Variants in MYO1D observed in about 807,000 individuals in gnomAD.
MYO1D encodes unconventional myosin-Id.
A neutral mutation model predicts 122.0 loss-of-function variants in MYO1D; 83 were observed. The ratio of observed to expected loss-of-function variants is 0.68; its 90% CI spans 0.57 to 0.82. MYO1D has a LOEUF of 0.82. Among genes scored for constraint, MYO1D ranks in the 40% least tolerant of loss-of-function variants. The pLI is 0.00. For missense variants in MYO1D, 1,157 were observed against 1,269.5 expected (o/e 0.91, Z 1.35); for synonymous variants, 464 against 446.9 (o/e 1.04, Z -0.48).
At chr17:32,823,927 C>T (rs1046459551) in intron 1 of MYO1D, among the ~76,000 whole-genome samples, 4 of 151,516 alleles carry the variant, frequency 2.6e-5, no homozygotes, top group Admixed American at 6.6e-5. Flanking sequence ...ATTAGCGGGG[C>T]GTGGTGGTGG....
chr17:32,563,741 AGGAG>A (rs2150891819), intron 21 of MYO1D, among the ~76,000 whole-genome samples: 1 of 152,362 alleles, frequency 6.6e-6, no homozygotes, highest in East Asian at 1.9e-4. Flanking sequence ...CTTCATGAGA[AGGAG>A]CTGAACAGTC....
intron 16 of MYO1D, among the ~76,000 whole-genome samples, chr17:32,678,618 A>G (rs1193792819): frequency 6.6e-6 from 1 of 151,404 alleles, no homozygotes; most frequent in Non-Finnish European, 1.5e-5. Context: ...ATAGTATTCC[A>G]TGGTGTATAT....
At chr17:32,714,593 T>C (rs926712143) in intron 15 of MYO1D, among the ~76,000 whole-genome samples, 3 of 152,158 alleles carry the variant, frequency 2.0e-5, no homozygotes, top group Non-Finnish European at 4.4e-5. Flanking sequence ...ATTTAATAAA[T>C]GATGCTGGGA....
chr17:32,782,061 A>G (rs1010762093), intron 1 of MYO1D, among the ~76,000 whole-genome samples: 2 of 152,252 alleles, frequency 1.3e-5, no homozygotes, highest in African/African-American at 4.8e-5. Flanking sequence ...CGCTTGCTTC[A>G]TGGCTGGTGG....
chr17:32,869,218 C>CAA (rs565095358), intron 1 of MYO1D, among the ~76,000 whole-genome samples: 3 of 138,676 alleles, frequency 2.2e-5, no homozygotes, highest in Non-Finnish European at 4.8e-5. Context: ...GGCCCTGTCT[C>CAA]AAAAAAAAAA....
chr17:32,585,837 A>C (rs1007318708), intron 21 of MYO1D, among the ~76,000 whole-genome samples: 19 of 152,174 alleles, frequency 1.2e-4, no homozygotes, highest in African/African-American at 4.6e-4. Context: ...AATACATAAC[A>C]ATTATAGGAA....
chr17:32,844,069 C>A (rs1439383737), intron 1 of MYO1D, among the ~76,000 whole-genome samples: 3 of 150,074 alleles, frequency 2.0e-5, no homozygotes, highest in South Asian at 2.1e-4. Flanking sequence ...ATAATGATAA[C>A]CTTATTAACA....
chr17:32,556,063 C>G (rs1228265153), intron 21 of MYO1D, among the ~76,000 whole-genome samples: 1 of 152,106 alleles, frequency 6.6e-6, no homozygotes, highest in Non-Finnish European at 1.5e-5. Context: ...TGTGTTTGCC[C>G]CACTGGAATG....
chr17:32,819,766 CT>C (rs1165025443), intron 1 of MYO1D, among the ~76,000 whole-genome samples: 12 of 152,312 alleles, frequency 7.9e-5, no homozygotes, highest in Admixed American at 5.9e-4. Flanking sequence ...GAGCCAGATA[CT>C]GTTCTAAGGA....
At chr17:32,589,008 G>A (rs1181376272) in intron 21 of MYO1D, among the ~76,000 whole-genome samples, 1 of 151,110 alleles carries the variant, frequency 6.6e-6, no homozygotes, top group African/African-American at 2.4e-5. Context: ...CAAAACTTGT[G>A]GCACCCCACT....
chr17:32,677,514 A>G (rs2088830930), intron 16 of MYO1D, among the ~76,000 whole-genome samples: 1 of 151,386 alleles, frequency 6.6e-6, no homozygotes, highest in South Asian at 2.1e-4. Context: ...AAATCTTTAT[A>G]TATCTCCTCT....
intron 1 of MYO1D, chr17:32,794,294 T>C (rs2090390534): frequency 6.6e-6 from 1 of 152,114 alleles, no homozygotes; most frequent in African/African-American, 2.4e-5. Flanking sequence ...TATTTCTTCA[T>C]TTGAGCTGCA....
intron 6 of MYO1D, among the ~76,000 whole-genome samples, chr17:32,770,712 GAACA>G (rs1355031384): frequency 6.6e-6 from 1 of 152,132 alleles, no homozygotes; most frequent in Non-Finnish European, 1.5e-5. Flanking sequence ...ATCAACATTT[GAACA>G]AACAGTGAGT....
chr17:32,633,180 AAC>A (rs33933876), intron 20 of MYO1D, among the ~76,000 whole-genome samples: 43 of 151,882 alleles, frequency 2.8e-4, no homozygotes, highest in African/African-American at 1.0e-3. Flanking sequence ...TTAAAAAAAA[AAC>A]AGTTAAGCCC....
At chr17:32,645,353 A>G (rs1468580681) in intron 19 of MYO1D, among the ~76,000 whole-genome samples, 2 of 151,918 alleles carry the variant, frequency 1.3e-5, no homozygotes, top group Non-Finnish European at 2.9e-5. Flanking sequence ...CTTCATTTCA[A>G]CTTTGGTGAA....
chr17:32,567,867 C>T (rs917334809), intron 21 of MYO1D, among the ~76,000 whole-genome samples: 5 of 152,148 alleles, frequency 3.3e-5, no homozygotes, highest in Admixed American at 2.6e-4. Flanking sequence ...GTTCAGTCTC[C>T]ACGTCCAATT....
intron 16 of MYO1D, among the ~76,000 whole-genome samples, chr17:32,685,936 A>G (rs2088999071): frequency 6.6e-6 from 1 of 152,226 alleles, no homozygotes; most frequent in African/African-American, 2.4e-5. Flanking sequence ...CTGAGCCAAA[A>G]TTGACCAAAC....
chr17:32,628,472 T>C (rs1434343609), intron 20 of MYO1D, among the ~76,000 whole-genome samples: 1 of 152,204 alleles, frequency 6.6e-6, no homozygotes, highest in African/African-American at 2.4e-5. Flanking sequence ...AGAACCATCA[T>C]TAAATGGTAA....
Position 32,727,414 on chromosome 17 carries a change from A to ACCCAAAGTATATAAAC in MYO1D, c.1747-6226_1747-6225insGTTTATATACTTTGGG, listed in dbSNP as rs1375267213. On this transcript the variant is annotated intron_variant, in intron 14 of 21. Coordinates refer to ENST00000318217, the MANE Select transcript of MYO1D (RefSeq NM_015194.3). Reference sequence around the variant, plus strand: ...TACAGGAGTCACTAAGCTCAGGCAAACCCAAAGTATATAAAACCCACCAGA... The same window carrying ACCCAAAGTATATAAAC: ...TACAGGAGTCACTAAGCTCAGGCAAACCCAAAGTATATAAACCCCAAAGTATATAAAACCCACCAGA... Among the ~76,000 whole-genome samples the ACCCAAAGTATATAAAC allele has an allele frequency of 3.3e-5, 5 of 152,162 alleles. No homozygotes were observed. The East Asian group carries it at 9.6e-4, about 29-fold the overall frequency.
Sources: allele counts gnomAD v4.1 joint callset (sites outside exome capture counted in the v4.1 genomes callset), GRCh38; gene constraint gnomAD v4.1.1; transcripts MANE v1.5; gene names NCBI Gene and HGNC (gene_info 2026-07-23, HGNC 2026-07-21).